Variants in ATP13A5 observed in about 807,000 individuals in gnomAD.
ATP13A5 encodes the protein probable cation-transporting ATPase 13A5.
A neutral mutation model predicts 150.2 loss-of-function variants in ATP13A5; 149 were observed. That is an observed-to-expected ratio of 0.99 (90% CI 0.87 to 1.14). The LOEUF (loss-of-function observed/expected upper bound fraction) is 1.14, where lower values mean the gene tolerates loss of function less well. ATP13A5 is among the 50% of genes most tolerant of loss of function. ATP13A5 has a pLI of 0.00. For synonymous variants in ATP13A5, 497 were observed against 522.2 expected (o/e 0.95, Z 0.66); for missense variants, 1,383 against 1,449.3 (o/e 0.95, Z 0.74).
chr3:193,308,368 G>A (rs1718701165), intron 21 of ATP13A5, among the ~76,000 whole-genome samples: 1 of 152,042 alleles, frequency 6.6e-6, no homozygotes, highest in African/African-American at 2.4e-5. Context: ...CTGAGGCAGG[G>A]GGATTGCTTG....
intron 12 of ATP13A5, among the ~76,000 whole-genome samples, chr3:193,329,947 T>C (rs1183642199): frequency 6.6e-6 from 1 of 152,164 alleles, no homozygotes; most frequent in Non-Finnish European, 1.5e-5. Flanking sequence ...TCTTAAAAAG[T>C]AAAGGCTCCT....
At position 193,301,845 on chromosome 3, in the gene ATP13A5, T is replaced by C. The variant is rs549249942; in HGVS notation, c.2679-538A>G. On this transcript the variant is annotated intron_variant, in intron 23 of 29. Coordinates refer to ENST00000342358, the MANE Select transcript of ATP13A5 (RefSeq NM_198505.4). ...TTGAGATTAAATGGGTAAGGAAGGC[T>C]TTGATATTGCAGGAAGACCCCAGGG... Among the ~76,000 whole-genome samples the C allele has an allele frequency of 5.3e-5, 8 of 152,258 alleles. No homozygotes were observed. The South Asian group carries it at 1.5e-3, about 28-fold the overall frequency.
At chr3:193,329,766 T>C (rs1294048442) in intron 12 of ATP13A5, among the ~76,000 whole-genome samples, 3 of 152,022 alleles carry the variant, frequency 2.0e-5, no homozygotes, top group Non-Finnish European at 4.4e-5. Context: ...CTCATTGGAG[T>C]CACTCCCATT....
Position 193,301,267 on chromosome 3 carries a change from T to G in ATP13A5, c.2719A>C (p.Lys907Gln). ...AALVSSFGVF[K>Q]YLTMYGIIQF... ...ATTATGCCGTACATGGTCAAGTATT[T>G]AAATACTCCAAAGGATGAAACCAGA... The change falls in exon 24 of 30, where the codon AAA becomes CAA. Residue 907 changes from lysine (K) to glutamine (Q), a missense_variant. Transcript: ENST00000342358. 1 of 1,613,536 alleles carries G rather than the reference T, an allele frequency of 6.2e-7. No individual in the cohort carries two copies. The highest frequency in any genetic ancestry group is 8.5e-7 in the Non-Finnish European group (1 of 1,179,640).
rs764202324 is a variant in ATP13A5, at chr3:193,315,090, T to G, written c.2040A>C (p.Lys680Asn). The stretch of plus-strand genomic sequence containing the variant: ...CCAGAAATGTTAACTCTGACTCCAC[T>G]TTTTCTCTTTGTATTCAGGAGAAAA... ...LSEVEHLARE[K>N]VESELTFLGL... is the part of the protein sequence containing the mutation. The change falls in exon 18 of 30, where the codon AAA becomes AAC. Residue 680 changes from lysine to asparagine, a missense_variant. Coordinates refer to ENST00000342358, the MANE Select transcript of ATP13A5 (RefSeq NM_198505.4). 6.2e-7 allele frequency: 1 copy of G among 1,613,292 alleles called. No homozygotes were observed. The highest frequency in any genetic ancestry group is 8.5e-7 in the Non-Finnish European group (1 of 1,179,598).
At position 193,373,747 on chromosome 3, in the gene ATP13A5, A is replaced by G. The variant is rs960178156; in HGVS notation, c.63+4916T>C. On this transcript the variant is annotated intron_variant, in intron 1 of 29. Transcript: ENST00000342358. ...GTTCTTAGGTAAAGAGTCAAGGCCA[A>G]AGAGGTGTCCACAACCACATGATTA... Among the ~76,000 whole-genome samples, 4 of 152,164 alleles carry G rather than the reference A, an allele frequency of 2.6e-5. No individual in the cohort carries two copies. In the South Asian group the frequency reaches 8.3e-4, roughly 32 times the overall value.
chr3:193,289,907 A>C lies in ATP13A5; in HGVS notation c.3001T>G (p.Tyr1001Asp). Residue 1001 changes from tyrosine to aspartate, a missense_variant, in exon 26 of 30, where the codon TAT (tyrosine) becomes GAT (aspartate). Tyr to Asp is a radical substitution (Grantham distance 160, BLOSUM62 -3). Transcript: ENST00000342358. ...AFLYVKQQPW[Y>D]CEVYQYSECF... is the part of the protein sequence containing the mutation. ...TACCTGTATTGGTAGACCTCACAAT[A>C]CCAAGGCTGCTGCTTCACATAGAGA... 1 of 1,609,686 alleles carries C rather than the reference A, an allele frequency of 6.2e-7. No homozygotes were observed.
chr3:193,275,343 G>A, intron 29 of ATP13A5, 41 bp from the exon 30 acceptor site: 1 of 1,600,184 alleles, frequency 6.2e-7, no homozygotes. Flanking sequence ...TATTGCGCAG[G>A]TCCCCCTGCA....
intron 25 of ATP13A5, among the ~76,000 whole-genome samples, chr3:193,298,718 T>C (rs1338085561): frequency 1.3e-5 from 2 of 152,132 alleles, no homozygotes; most frequent in Non-Finnish European, 1.5e-5. Context: ...TGGAGAATTC[T>C]ACTAAAATAA....
chr3:193,309,860 T>A (rs1189152173), intron 21 of ATP13A5, among the ~76,000 whole-genome samples: 1 of 152,190 alleles, frequency 6.6e-6, no homozygotes, highest in Non-Finnish European at 1.5e-5. Flanking sequence ...AATTTTTTTT[T>A]AATCCCCTTT....
chr3:193,331,764 A>G (rs1282888325), intron 11 of ATP13A5, among the ~76,000 whole-genome samples: 1 of 152,212 alleles, frequency 6.6e-6, no homozygotes, highest in Admixed American at 6.6e-5. Context: ...CTCACTGGAT[A>G]CTAACTCTGG....
intron 13 of ATP13A5, among the ~76,000 whole-genome samples, chr3:193,325,416 C>T (rs1719433929): frequency 6.6e-6 from 1 of 152,178 alleles, no homozygotes; most frequent in South Asian, 2.1e-4. Context: ...ATTTTGTTCT[C>T]AACAGAATTT....
chr3:193,349,841 T>C (rs1283408358), intron 7 of ATP13A5, among the ~76,000 whole-genome samples: 2 of 152,128 alleles, frequency 1.3e-5, no homozygotes, highest in Non-Finnish European at 2.9e-5. Context: ...TATAGCAGCA[T>C]CTATTAAAAT....
In ATP13A5 at chr3:193,362,368, T is replaced by C. The variant is rs1713044847; in HGVS notation, c.536+13A>G. On this transcript the variant is annotated intron_variant, in intron 5 of 29. Transcript: ENST00000342358. ...TGGCAGAGTTTACTCTTAAGGCATA[T>C]AATAAGTCCTACCTGACCTCTTGCT... 1 of 1,610,432 alleles carries C rather than the reference T, an allele frequency of 6.2e-7. No homozygotes were observed. Among genetic ancestry groups the C allele is most frequent in the South Asian group, 1.1e-5 (1 of 90,966 alleles).
intron 1 of ATP13A5, among the ~76,000 whole-genome samples, chr3:193,366,412 C>T (rs1221939281): frequency 6.6e-6 from 1 of 151,888 alleles, no homozygotes; most frequent in Non-Finnish European, 1.5e-5. Context: ...GGAAAGTATA[C>T]TGGGCAAACA....
chr3:193,282,922 C>A (rs1005321452), intron 27 of ATP13A5, among the ~76,000 whole-genome samples: 24 of 152,224 alleles, frequency 1.6e-4, no homozygotes, highest in African/African-American at 5.8e-4. Context: ...GAAATAAATA[C>A]ATTTTTTAAA....
At chr3:193,314,313 T>C (rs1718966156) in intron 18 of ATP13A5, 120 bp from the exon 19 acceptor site, 5 of 1,092,036 alleles carry the variant, frequency 4.6e-6, no homozygotes, top group Non-Finnish European at 6.6e-6. Flanking sequence ...CTTTCTGCCT[T>C]ATTTTATCTT....
At chr3:193,314,462 A>G in intron 18 of ATP13A5, 1 of 393,972 alleles carries the variant, frequency 2.5e-6, no homozygotes. Context: ...TTTATGACCA[A>G]TCCTCAGAAG....
intron 26 of ATP13A5, 98 bp downstream of exon 26, chr3:193,289,787 T>C (rs1471684317): frequency 3.4e-6 from 4 of 1,181,552 alleles, no homozygotes; most frequent in Non-Finnish European, 3.5e-6. Flanking sequence ...ATTTGATTAA[T>C]TAAAAGTTTT....
Sources: allele counts gnomAD v4.1 joint callset (sites outside exome capture counted in the v4.1 genomes callset), GRCh38; gene constraint gnomAD v4.1.1; transcripts MANE v1.5; gene names NCBI Gene and HGNC (gene_info 2026-07-23, HGNC 2026-07-21).